The following SLC20A2 variants were observed in gnomAD, a reference collection of about 807,000 sequenced individuals.
SLC20A2 encodes the protein solute carrier family 20 member 2.
In SLC20A2, 30 loss-of-function variants were observed where a neutral mutation model predicts 61.0. The ratio of observed to expected loss-of-function variants is 0.49; its 90% confidence interval spans 0.37 to 0.67. The LOEUF is 0.67. Among genes scored for constraint, SLC20A2 ranks in the 30% least tolerant of loss-of-function variants. The pLI, the probability that SLC20A2 is intolerant of heterozygous loss-of-function variation, is 0.00. For missense variants in SLC20A2, 626 were observed against 866.4 expected (o/e 0.72, Z 3.48); for synonymous variants, 351 against 353.3 (o/e 0.99, Z 0.07).
chr8:42,470,300 C>T (rs1381970575), intron 2 of SLC20A2, among the ~76,000 whole-genome samples: 1 of 151,402 alleles, frequency 6.6e-6, no homozygotes, highest in Non-Finnish European at 1.5e-5. Context: ...TCACTGCAGC[C>T]TCAACCTCCT....
At chr8:42,455,856 C>T (rs895080616) in intron 5 of SLC20A2, among the ~76,000 whole-genome samples, 2 of 152,106 alleles carry the variant, frequency 1.3e-5, no homozygotes, top group Non-Finnish European at 2.9e-5. Flanking sequence ...TTCAGCATTG[C>T]CCTGCCTCAG....
At chr8:42,505,712 A>C (rs1219720083), upstream of SLC20A2, among the ~76,000 whole-genome samples, 3 of 151,910 alleles carry the variant, frequency 2.0e-5, no homozygotes, top group African/African-American at 7.3e-5. Context: ...AGCCTGGCTA[A>C]TGTAGCGAAA....
intron 5 of SLC20A2, among the ~76,000 whole-genome samples, chr8:42,448,715 G>A (rs1805422528): frequency 6.6e-6 from 1 of 152,130 alleles, no homozygotes; most frequent in Non-Finnish European, 1.5e-5. Context: ...GGGGAGACAG[G>A]GTAACACGTC....
At chr8:42,517,831 T>C (rs1811406515) in intron 1 of SLC20A2, among the ~76,000 whole-genome samples, 1 of 152,170 alleles carries the variant, frequency 6.6e-6, no homozygotes, top group African/African-American at 2.4e-5. Flanking sequence ...CTAAGAAATC[T>C]GACCAAAACC....
At position 42,437,532 on chromosome 8, in the gene SLC20A2, G is replaced by A. The variant is rs769073655; in HGVS notation, c.980C>T (p.Ser327Phe). The change falls in exon 8 of 11, where the codon TCC becomes TTC. Residue 327 changes from serine to phenylalanine, a missense_variant. By Grantham distance (155) the Ser-to-Phe change is radical (BLOSUM62 -2). Coordinates refer to ENST00000520262, the MANE Select transcript of SLC20A2 (RefSeq NM_001257180.2). The surrounding 1 kb of genome is among the most constrained non-coding windows in gnomAD (Gnocchi z 6.4). ...MTHGSVKSPISNGTFGFDGHT... is the reference protein window; with the variant it reads ...MTHGSVKSPIFNGTFGFDGHT... Reference sequence around the variant, plus strand: ...GCCGTCGAAGCCGAAGGTGCCGTTGGAGATGGGCGATTTCACAGAGCCATG... The same window carrying A: ...GCCGTCGAAGCCGAAGGTGCCGTTGAAGATGGGCGATTTCACAGAGCCATG... 8.7e-6 allele frequency: 14 copies of A among 1,613,926 alleles called. No individual in the cohort carries two copies. In the South Asian group the frequency reaches 1.5e-4, roughly 18 times the overall value.
At position 42,472,141 on chromosome 8, in the gene SLC20A2, C is replaced by G; in HGVS notation, c.250G>C (p.Val84Leu). The G allele has an allele frequency of 6.2e-7, 1 of 1,613,724 alleles. No individual in the cohort carries two copies. The highest frequency in any genetic ancestry group is 8.5e-7 in the Non-Finnish European group (1 of 1,180,036). Reference protein sequence around the residue: ...IIDVNLYNETVETLMAGEVSA... With the variant: ...IIDVNLYNETLETLMAGEVSA... ...ACTTCCCCAGCCATGAGAGTCTCCA[C>G]CGTCTCGTTGTACAGGTTCACGTCA... The change falls in exon 2 of 11, where the codon GTG (valine) becomes CTG (leucine). Residue 84 changes from valine (V) to leucine (L), a missense_variant. Val to Leu is a conservative substitution (Grantham distance 32, BLOSUM62 1). This residue lies in a region of SLC20A2 where 127 missense variants were observed against 215.4 expected (regional missense o/e 0.59). Coordinates refer to ENST00000520262, the MANE Select transcript of SLC20A2 (RefSeq NM_001257180.2). This position sits in a 1 kb window ranked among gnomAD's most constrained non-coding sequence, Gnocchi z 4.1.
chr8:42,435,009 C>T (rs969751940), intron 8 of SLC20A2, among the ~76,000 whole-genome samples: 1 of 152,036 alleles, frequency 6.6e-6, no homozygotes, highest in Non-Finnish European at 1.5e-5. Flanking sequence ...CCCTAACTGG[C>T]GTTTAAACTT....
At chr8:42,534,561 C>G (rs1359885147) in intron 1 of SLC20A2, 1 of 152,066 alleles carries the variant, frequency 6.6e-6, no homozygotes, top group Non-Finnish European at 1.5e-5. Context: ...ATTCTTGATC[C>G]TAGAAAATAA....
intron 1 of SLC20A2, among the ~76,000 whole-genome samples, chr8:42,526,456 T>A (rs201183701): frequency 6.6e-5 from 10 of 151,640 alleles, no homozygotes; most frequent in South Asian, 2.1e-4. Context: ...GGCGGATCAC[T>A]AGGTCAGGAG....
intron 8 of SLC20A2, among the ~76,000 whole-genome samples, chr8:42,434,445 G>A (rs1804090604): frequency 6.6e-6 from 1 of 152,098 alleles, no homozygotes; most frequent in African/African-American, 2.4e-5. Context: ...AGGCTGGAGT[G>A]CAGTGGCATG....
chr8:42,488,996 A>G (rs2131305392), intron 1 of SLC20A2, among the ~76,000 whole-genome samples: 2 of 138,942 alleles, frequency 1.4e-5, no homozygotes, highest in Middle Eastern at 4.1e-3. Flanking sequence ...CTGGAATGCA[A>G]TGGTGCAGTC....
chr8:42,473,041 CCA>C (rs1797646426), intron 1 of SLC20A2, among the ~76,000 whole-genome samples: 1 of 152,306 alleles, frequency 6.6e-6, no homozygotes, highest in African/African-American at 2.4e-5. Context: ...TGGAATGTGT[CCA>C]GTTTCCTGGA....
chr8:42,438,639 G>C (rs1034115783), intron 7 of SLC20A2, among the ~76,000 whole-genome samples: 7 of 152,322 alleles, frequency 4.6e-5, no homozygotes, highest in South Asian at 4.1e-4. Flanking sequence ...GGCAGGCTTT[G>C]GTGAAGCTGT....
At chr8:42,477,869 A>C (rs1210123168) in intron 1 of SLC20A2, among the ~76,000 whole-genome samples, 1 of 151,406 alleles carries the variant, frequency 6.6e-6, no homozygotes, top group Non-Finnish European at 1.5e-5. Context: ...TGGTAAAGAC[A>C]CTTTGGAAAA....
intron 6 of SLC20A2, among the ~76,000 whole-genome samples, chr8:42,441,538 G>A (rs545127558): frequency 1.3e-5 from 2 of 150,182 alleles, no homozygotes; most frequent in Non-Finnish European, 2.9e-5. Flanking sequence ...GCGCGATCTC[G>A]GATCACTGCA....
chr8:42,466,236 G>A (rs920893763), intron 2 of SLC20A2, among the ~76,000 whole-genome samples: 1 of 151,880 alleles, frequency 6.6e-6, no homozygotes, highest in Non-Finnish European at 1.5e-5. Context: ...CTGGGTTCAA[G>A]CAAGCCCTCT....
At chr8:42,489,761 C>T (rs919984805) in intron 1 of SLC20A2, among the ~76,000 whole-genome samples, 5 of 152,188 alleles carry the variant, frequency 3.3e-5, no homozygotes, top group Admixed American at 1.3e-4. Flanking sequence ...CTGAAGCCCC[C>T]GTAGCCTGCG....
chr8:42,454,003 AT>A (rs1420218483), intron 5 of SLC20A2, among the ~76,000 whole-genome samples: 1 of 151,682 alleles, frequency 6.6e-6, no homozygotes, highest in African/African-American at 2.4e-5. Flanking sequence ...TTTTGGTATC[AT>A]TTTTTTTGTT....
At chr8:42,503,692 C>T (rs1244630165), upstream of SLC20A2, among the ~76,000 whole-genome samples, 1 of 152,204 alleles carries the variant, frequency 6.6e-6, no homozygotes, top group African/African-American at 2.4e-5. Flanking sequence ...ACAATTAGTA[C>T]ATTCCAATCT....
Sources: allele counts gnomAD v4.1 joint callset (sites outside exome capture counted in the v4.1 genomes callset), GRCh38; gene constraint gnomAD v4.1.1; regional missense constraint gnomAD v4.1.1; non-coding constraint Gnocchi (gnomAD v3.1); transcripts MANE v1.5; gene names NCBI Gene and HGNC (gene_info 2026-07-23, HGNC 2026-07-21).